Variants in HDAC8 observed in about 807,000 individuals in gnomAD.
HDAC8 encodes the protein histone deacetylase-like 1.
In HDAC8, 1 loss-of-function variant was observed where a neutral mutation model predicts 32.2. That is an observed-to-expected ratio of 0.03 (90% CI 0.01 to 0.15). The LOEUF (loss-of-function observed/expected upper bound fraction) is 0.15. HDAC8 is among the 10% of genes least tolerant of loss of function. HDAC8 has a pLI of 1.00. For synonymous variants in HDAC8, 108 were observed against 113.9 expected, an observed-to-expected ratio of 0.95 and a Z score of 0.33; for missense variants, 117 against 300.0, an observed-to-expected ratio of 0.39 and a Z score of 4.51.
intron 10 of HDAC8, among the ~76,000 whole-genome samples, chrX:72,351,505 AC>A (rs1330001778): frequency 1.8e-5 from 2 of 112,273 alleles, no homozygotes; most frequent in East Asian, 2.8e-4. Flanking sequence ...CAAAAGCTGA[AC>A]CCTTTGTCCT....
intron 9 of HDAC8, among the ~76,000 whole-genome samples, chrX:72,458,209 C>T (rs2047773117): frequency 8.9e-6 from 1 of 112,901 alleles, no homozygotes; most frequent in South Asian, 3.7e-4. Flanking sequence ...CTCCATTCTT[C>T]TCAGCTTTCC....
intron 9 of HDAC8, among the ~76,000 whole-genome samples, chrX:72,408,369 G>A (rs2046101389): frequency 9.0e-6 from 1 of 110,925 alleles, no homozygotes; most frequent in African/African-American, 3.3e-5. Context: ...AGGTTAGGGA[G>A]TTACTTATGT....
intron 9 of HDAC8, among the ~76,000 whole-genome samples, chrX:72,439,188 C>A (rs1354339007): frequency 9.0e-6 from 1 of 111,686 alleles, no homozygotes; most frequent in Non-Finnish European, 1.9e-5. Context: ...AATTTTCAAC[C>A]CAGAATTTCA....
chrX:72,559,460 T>G (rs1387541901), intron 4 of HDAC8, among the ~76,000 whole-genome samples: 2 of 111,074 alleles, frequency 1.8e-5, no homozygotes, highest in African/African-American at 6.6e-5. Flanking sequence ...CCTCCCAAAG[T>G]GCCGAGATTG....
At chrX:72,500,350 C>T (rs1319692241) in intron 4 of HDAC8, among the ~76,000 whole-genome samples, 1 of 111,685 alleles carries the variant, frequency 9.0e-6, no homozygotes, top group Admixed American at 9.5e-5. Context: ...AGCCAATATC[C>T]TTGATGAATA....
intron 2 of HDAC8, among the ~76,000 whole-genome samples, chrX:72,571,458 CAAG>C (rs1310126060): frequency 9.1e-6 from 1 of 110,377 alleles, no homozygotes. Flanking sequence ...GATACTTAAC[CAAG>C]CAATCGAGCT....
chrX:72,441,567 T>C (rs1250644665), intron 9 of HDAC8, among the ~76,000 whole-genome samples: 1 of 110,826 alleles, frequency 9.0e-6, no homozygotes, highest in Non-Finnish European at 1.9e-5. Context: ...CAAAAGTAGA[T>C]AAAACCACAA....
chrX:72,505,707 A>G (rs1204046702), intron 4 of HDAC8, among the ~76,000 whole-genome samples: 2 of 110,601 alleles, frequency 1.8e-5, no homozygotes, highest in African/African-American at 6.6e-5. Context: ...GGATTGCTTC[A>G]GCCTGGGAGT....
intron 9 of HDAC8, among the ~76,000 whole-genome samples, chrX:72,418,385 C>G (rs2046401854): frequency 9.0e-6 from 1 of 111,698 alleles, no homozygotes; most frequent in African/African-American, 3.2e-5. Context: ...CATGAACAGA[C>G]ACTTTTCAAA....
At chrX:72,478,548 C>G (rs2048401788) in intron 7 of HDAC8, among the ~76,000 whole-genome samples, 1 of 111,890 alleles carries the variant, frequency 8.9e-6, no homozygotes, top group South Asian at 3.8e-4. Flanking sequence ...CACCTCCAGG[C>G]AAACACATTG....
At chrX:72,393,729 G>C (rs1317824571) in intron 9 of HDAC8, among the ~76,000 whole-genome samples, 2 of 111,833 alleles carry the variant, frequency 1.8e-5, no homozygotes, top group East Asian at 5.6e-4. Flanking sequence ...CGATGCCCTG[G>C]TATTAGAGGC....
intron 7 of HDAC8, among the ~76,000 whole-genome samples, chrX:72,468,429 C>T (rs72630045): frequency 0.081 from 8,994 of 110,861 alleles, 971 homozygotes; most frequent in East Asian, 0.73. Context: ...TGTGCCAATT[C>T]CTCCAGAATT....
At chrX:72,331,666 C>G (rs1314322012) in intron 10 of HDAC8, among the ~76,000 whole-genome samples, 3 of 110,906 alleles carry the variant, frequency 2.7e-5, no homozygotes, top group Non-Finnish European at 5.7e-5. Flanking sequence ...TTCTACACAC[C>G]CTTCCCCAGG....
intron 4 of HDAC8, among the ~76,000 whole-genome samples, chrX:72,525,896 A>G (rs1468018025): frequency 1.1e-4 from 12 of 107,008 alleles, no homozygotes; most frequent in African/African-American, 3.8e-4. Flanking sequence ...ACAGCCATCA[A>G]GTGACCCATT....
chrX:72,384,207 G>A (rs1242772012), intron 9 of HDAC8, among the ~76,000 whole-genome samples: 1 of 111,593 alleles, frequency 9.0e-6, no homozygotes, highest in Non-Finnish European at 1.9e-5. Flanking sequence ...AATACAAAAT[G>A]GATCTTGTTA....
intron 4 of HDAC8, among the ~76,000 whole-genome samples, chrX:72,500,204 A>G: frequency 8.9e-6 from 1 of 111,970 alleles, no homozygotes; most frequent in East Asian, 2.8e-4. Flanking sequence ...CAGATGTATA[A>G]AGAAAGCTGG....
intron 9 of HDAC8, among the ~76,000 whole-genome samples, chrX:72,382,400 C>T (rs2045288711): frequency 2.7e-5 from 3 of 112,170 alleles, no homozygotes; most frequent in African/African-American, 9.7e-5. Flanking sequence ...AAATATGCCA[C>T]TGCCAAAGAT....
At chrX:72,363,471 C>A (rs2044610102) in intron 9 of HDAC8, among the ~76,000 whole-genome samples, 1 of 111,515 alleles carries the variant, frequency 9.0e-6, no homozygotes, top group Admixed American at 9.5e-5. Flanking sequence ...CTCTCTCTAT[C>A]CCTTCACTTC....
intron 9 of HDAC8, among the ~76,000 whole-genome samples, chrX:72,424,808 A>G (rs1555974845): frequency 8.9e-6 from 1 of 111,982 alleles, no homozygotes. Context: ...GTGAAATCAT[A>G]CAATATTTGT....
Sources: allele counts gnomAD v4.1 joint callset (sites outside exome capture counted in the v4.1 genomes callset), GRCh38; gene constraint gnomAD v4.1.1; transcripts MANE v1.5; gene names NCBI Gene and HGNC (gene_info 2026-07-23, HGNC 2026-07-21).